The following TCOF1 variants were observed in gnomAD, a reference collection of about 807,000 sequenced individuals.
The protein encoded by TCOF1 is treacle protein.
TCOF1 carries 33 observed loss-of-function variants against 149.0 expected under a neutral mutation model. The ratio of observed to expected loss-of-function variants is 0.22; its 90% CI spans 0.17 to 0.30. TCOF1 has a LOEUF of 0.30. Among genes scored for constraint, TCOF1 ranks in the 10% least tolerant of loss-of-function variants. The pLI is 1.00. For missense variants in TCOF1, 1,728 were observed against 1,840.7 expected (o/e 0.94, Z 1.12); for synonymous variants, 789 against 738.8 (o/e 1.07, Z -1.10).
At chr5:150,395,507 A>G (rs1346206326) in intron 23 of TCOF1, among the ~76,000 whole-genome samples, 1 of 151,198 alleles carries the variant, frequency 6.6e-6, no homozygotes. Flanking sequence ...GCGGTGCGAC[A>G]AGGAGACATT....
chr5:150,388,168 G>A, intron 18 of TCOF1, 80 bp downstream of exon 18: 1 of 1,584,076 alleles, frequency 6.3e-7, no homozygotes, highest in Non-Finnish European at 8.6e-7. Context: ...CAGGACACTG[G>A]CTGAGTCACA....
intron 2 of TCOF1, 79 bp from the exon 3 acceptor site, chr5:150,364,034 G>A: frequency 6.2e-7 from 1 of 1,604,488 alleles, no homozygotes. Flanking sequence ...CTGGAAGGAT[G>A]CGGGAAGGTC....
Position 150,376,597 on chromosome 5 carries a change from G to A in TCOF1, c.2317G>A (p.Glu773Lys). The A allele has an allele frequency of 6.3e-7, 1 of 1,574,950 alleles. No individual in the cohort carries two copies. Among genetic ancestry groups the A allele is most frequent in the Non-Finnish European group, 8.6e-7 (1 of 1,160,328 alleles). Residue 773 changes from glutamate to lysine, a missense_variant, in exon 14 of 27, where the codon GAA (glutamate) becomes AAA (lysine). Coordinates refer to ENST00000643257, the MANE Select transcript of TCOF1 (RefSeq NM_001371623.1). ...ESSEEESDSEEAAASPAQVKT... is the reference protein window; with the variant it reads ...ESSEEESDSEKAAASPAQVKT... The stretch of plus-strand genomic sequence containing the variant: ...CAGTGAGGAGGAATCAGACAGTGAG[G>A]AAGCAGCTGCATCTCCAGCACAGGT...
At chr5:150,392,929 A>G in intron 22 of TCOF1, 139 bp downstream of exon 22, 1 of 1,054,588 alleles carries the variant, frequency 9.5e-7, no homozygotes, top group Non-Finnish European at 1.4e-6. Flanking sequence ...CCTGTCTGCA[A>G]GGCACCACGT....
chr5:150,362,403 C>G (rs1760334388), intron 2 of TCOF1, among the ~76,000 whole-genome samples: 1 of 152,096 alleles, frequency 6.6e-6, no homozygotes, highest in African/African-American at 2.4e-5. Context: ...GTAGAGAGTA[C>G]TGAATTGCCT....
At chr5:150,380,227 C>G (rs1201220812) in intron 17 of TCOF1, 1 of 184,262 alleles carries the variant, frequency 5.4e-6, no homozygotes, top group South Asian at 1.1e-4. Context: ...AAACCTGCTA[C>G]TAAAACCCCC....
chr5:150,382,088 G>A (rs1427337761), intron 17 of TCOF1, among the ~76,000 whole-genome samples: 1 of 152,162 alleles, frequency 6.6e-6, no homozygotes, highest in Non-Finnish European at 1.5e-5. Context: ...CCCAGTTGAG[G>A]CAAGAGAATC....
rs563914972 is a variant in TCOF1 at position 150,398,556 on chromosome 5, A to G, written c.4443+105A>G. ...TGCCCCCTTCCCATTTTCGGGGCCC[A>G]GTCGGGGGCGTCAGGGGTTGTGACA... is the stretch of plus-strand genomic sequence containing the variant. On this transcript the variant is annotated intron_variant, in intron 25 of 26. Transcript: ENST00000643257. 3.8e-6 allele frequency: 6 copies of G among 1,562,474 alleles called. No individual in the cohort carries two copies. In the South Asian group the frequency reaches 4.6e-5, roughly 12 times the overall value.
intron 24 of TCOF1, among the ~76,000 whole-genome samples, chr5:150,397,606 G>A (rs559649747): frequency 6.6e-6 from 1 of 152,274 alleles, no homozygotes; most frequent in Non-Finnish European, 1.5e-5. Flanking sequence ...TCAAACCTAG[G>A]CAGCACTCTC....
At chr5:150,374,077 C>A in intron 7 of TCOF1, 97 bp from the exon 8 acceptor site, 1 of 1,364,578 alleles carries the variant, frequency 7.3e-7, no homozygotes, top group Non-Finnish European at 1.0e-6. Context: ...CAGGGGAGGT[C>A]TTAGGAGCCT....
chr5:150,360,030 C>T (rs1253987127), intron 1 of TCOF1, among the ~76,000 whole-genome samples: 1 of 152,148 alleles, frequency 6.6e-6, no homozygotes, highest in African/African-American at 2.4e-5. Context: ...TGGCCTGACA[C>T]ATTTGAGGAC....
rs1386600546 is a variant in TCOF1 at position 150,367,852 on chromosome 5, C to G, written c.313C>G (p.Leu105Val). 6.2e-7 allele frequency: 1 copy of G among 1,614,100 alleles called. No homozygotes were observed. The highest frequency in any genetic ancestry group is 1.3e-5 in the African/African-American group (1 of 74,936). Reference sequence around the variant, plus strand: ...ATGTTTGTTTCTTGCAGCCCCAAGACTAGCATCTACCAACTCCTCAGTCCT... The same window carrying G: ...ATGTTTGTTTCTTGCAGCCCCAAGAGTAGCATCTACCAACTCCTCAGTCCT... ...EAETAKATPR[L>V]ASTNSSVLGA... The change falls in exon 4 of 27, where the codon CTA (leucine) becomes GTA (valine). Residue 105 changes from leucine (L) to valine (V), a missense_variant. Physicochemically the swap from Leu to Val is conservative, Grantham distance 32 (BLOSUM62 1). Transcript: ENST00000643257.
chr5:150,399,047 G>GACGAGC lies in TCOF1; in HGVS notation c.*2_*7dup, dbSNP rs1769218030. On this transcript the variant is annotated inframe_insertion and stop_retained_variant, in exon 26 of 27. Transcript: ENST00000643257. ...AAGAAGACAGCAGAGCAGACTGTATGACGAGCACCAGCACCAGGCACAGGT... is the reference window on the plus strand; with the variant it reads ...AAGAAGACAGCAGAGCAGACTGTATGACGAGCACGAGCACCAGCACCAGGCACAGGT... 6.2e-7 allele frequency: 1 copy of GACGAGC among 1,614,154 alleles called. No individual in the cohort carries two copies. Among genetic ancestry groups the GACGAGC allele is most frequent in the Admixed American group, 1.7e-5 (1 of 60,012 alleles).
At chr5:150,364,718 C>T (rs1249786882) in intron 3 of TCOF1, among the ~76,000 whole-genome samples, 4 of 152,158 alleles carry the variant, frequency 2.6e-5, no homozygotes, top group Admixed American at 6.5e-5. Context: ...GGTTTTACAC[C>T]GTTTGCAGGA....
At chr5:150,368,983 G>A in intron 5 of TCOF1, 81 bp downstream of exon 5, 1 of 1,552,566 alleles carries the variant, frequency 6.4e-7, no homozygotes, top group African/African-American at 1.4e-5. Flanking sequence ...TTAAGTTCTG[G>A]GACATTTCTG....
chr5:150,368,589 A>C (rs996129066), intron 4 of TCOF1, 127 bp from the exon 5 acceptor site: 1 of 1,050,394 alleles, frequency 9.5e-7, no homozygotes, highest in Admixed American at 1.9e-5. Context: ...TGGGAAACAG[A>C]TTGAAGGGGT....
chr5:150,376,224 C>G lies in TCOF1; in HGVS notation c.2036C>G (p.Ser679Cys). The change falls in exon 13 of 27, where the codon TCC (serine) becomes TGC (cysteine). Residue 679 changes from serine (S) to cysteine (C), a missense_variant. By Grantham distance (112) the Ser-to-Cys change is moderately radical. Coordinates refer to ENST00000643257, the MANE Select transcript of TCOF1 (RefSeq NM_001371623.1). ...AGTATSPAGSSPAVAGGTQRP... is the reference protein window; with the variant it reads ...AGTATSPAGSCPAVAGGTQRP... ...ACTGCGACTTCTCCAGCAGGCTCAT[C>G]CCCAGCTGTGGCTGGGGGCACCCAG... 10 of 1,614,244 alleles carry G rather than the reference C, an allele frequency of 6.2e-6. No homozygotes were observed. The highest frequency in any genetic ancestry group is 8.5e-6 in the Non-Finnish European group (10 of 1,180,044).
At chr5:150,396,948 G>C (rs1017638010) in intron 24 of TCOF1, 106 bp downstream of exon 24, 32 of 1,354,612 alleles carry the variant, frequency 2.4e-5, no homozygotes, top group Non-Finnish European at 1.7e-5. Flanking sequence ...ATGTAGAAAA[G>C]AGAGGCTGAG....
At position 150,374,916 on chromosome 5, in the gene TCOF1, C is replaced by T. The variant is rs770418563; in HGVS notation, c.1279-38C>T. The T allele has an allele frequency of 2.5e-6, 4 of 1,613,582 alleles. No individual in the cohort carries two copies. In the South Asian group the frequency reaches 4.4e-5, roughly 18 times the overall value. ...TCCAGCTCCTGTCTCCACACGTCCA[C>T]CCTCTGGGCTCTCCCCTCATCCTGT... On this transcript the variant is annotated intron_variant, in intron 9 of 26. Transcript: ENST00000643257.
Sources: gnomAD v4.1 joint callset for allele counts (sites outside exome capture counted in the v4.1 genomes callset) on GRCh38, gnomAD v4.1.1 for gene constraint, MANE v1.5 for transcripts, NCBI Gene and HGNC (gene_info 2026-07-23, HGNC 2026-07-21) for gene names.